BPIFB4: variants seen among roughly 807,000 people sequenced by gnomAD.
BPIFB4 encodes the protein BPI fold-containing family B member 4.
In BPIFB4, 62 loss-of-function variants were observed where a neutral mutation model predicts 69.2. The ratio of observed to expected loss-of-function variants is 0.90; its 90% CI spans 0.73 to 1.11. The LOEUF (loss-of-function observed/expected upper bound fraction) is 1.11. BPIFB4 is among the 50% of genes least tolerant of loss of function. The pLI is 0.00. For missense variants in BPIFB4, 789 were observed against 792.0 expected, an observed-to-expected ratio of 1.00 and a Z score of 0.04; for synonymous variants, 330 against 332.7, an observed-to-expected ratio of 0.99 and a Z score of 0.09.
rs967574709 is a variant in BPIFB4 at position 33,110,752 on chromosome 20, T to A, written c.1822-662T>A. 2.9e-5 allele frequency among the ~76,000 whole-genome samples: 3 copies of A among 102,492 alleles called. No individual in the cohort carries two copies. In the African/African-American group the frequency reaches 3.6e-4, roughly 12 times the overall value. 67.2% of individuals were successfully genotyped at this position (102,492 alleles called of 152,430 possible). A position where few individuals can be genotyped will look rare whatever the true frequency, so the allele number is the denominator to read the frequency against. On this transcript the variant is annotated intron_variant, in intron 17 of 17. Transcript: ENST00000375483. ...ATTTCTGTCGATAGAGACTCACGAA[T>A]TTTTTTTTTTTTTTGGTCTATGGGT...
chr20:33,102,075 G>A (rs1981923137), intron 14 of BPIFB4, among the ~76,000 whole-genome samples: 1 of 152,206 alleles, frequency 6.6e-6, no homozygotes, highest in Non-Finnish European at 1.5e-5. Flanking sequence ...CCTGCAGCCT[G>A]GATAAGGAGT....
At chr20:33,086,267 C>T in intron 7 of BPIFB4, 103 bp downstream of exon 7, 1 of 1,425,796 alleles carries the variant, frequency 7.0e-7, no homozygotes. Flanking sequence ...CTGGGGTGGG[C>T]AGGACGATGA....
chr20:33,088,856 T>C (rs1314409006), intron 7 of BPIFB4, 110 bp from the exon 8 acceptor site: 3 of 1,560,140 alleles, frequency 1.9e-6, no homozygotes, highest in Non-Finnish European at 2.6e-6. Flanking sequence ...TTTCCAGCAC[T>C]CAGAGGTTCT....
intron 13 of BPIFB4, among the ~76,000 whole-genome samples, chr20:33,098,357 G>C (rs1364861356): frequency 6.6e-6 from 1 of 152,182 alleles, no homozygotes; most frequent in Non-Finnish European, 1.5e-5. Flanking sequence ...AAACGAGACA[G>C]ATGGTGCCTG....
chr20:33,107,983 G>A (rs1982119478), intron 17 of BPIFB4, among the ~76,000 whole-genome samples, 163 bp downstream of exon 17: 2 of 152,212 alleles, frequency 1.3e-5, no homozygotes, highest in Admixed American at 1.3e-4. Flanking sequence ...GGAACAAGGA[G>A]CAGAGCTGTT....
In BPIFB4 at chr20:33,081,605, A is replaced by G; in HGVS notation, c.79A>G (p.Arg27Gly). 1 of 1,551,716 alleles carries G rather than the reference A, an allele frequency of 6.4e-7. No homozygotes were observed. The highest frequency in any genetic ancestry group is 8.7e-7 in the Non-Finnish European group (1 of 1,146,996). Residue 27 changes from arginine to glycine, a missense_variant, in exon 3 of 18, where the codon AGG becomes GGG. Physicochemically the swap from Arg to Gly is moderately radical, Grantham distance 125. Around this residue, in one of 3 missense-constraint regions of BPIFB4, gnomAD observed 611 missense variants for 575.4 expected, o/e 1.06. Transcript: ENST00000375483. Reference protein sequence around the residue: ...GTSHETNTVLRVTKDVLSNAI... With the variant: ...GTSHETNTVLGVTKDVLSNAI... ...CAGCCACGAGACAAACACGGTCCTC[A>G]GGGTGACGAAAGATGTGTTGAGCAA... is the stretch of plus-strand genomic sequence containing the variant.
chr20:33,088,877 A>G lies in BPIFB4; in HGVS notation c.927-89A>G, dbSNP rs1228043395. On this transcript the variant is annotated intron_variant, in intron 7 of 17. Transcript: ENST00000375483. ...GCACTCAGAGGTTCTCACTGTTCAG[A>G]GCCTGGACTAGTGACCCACAGGGTG... is the stretch of plus-strand genomic sequence containing the variant. The G allele has an allele frequency of 2.5e-6, 4 of 1,597,076 alleles. No individual in the cohort carries two copies. The African/African-American group carries it at 5.4e-5, about 21-fold the overall frequency.
rs377753078 is a variant in BPIFB4, at chr20:33,107,830, G to T, written c.1821+10G>T. 6.2e-6 allele frequency: 10 copies of T among 1,612,036 alleles called. No individual in the cohort carries two copies. The African/African-American group carries it at 9.3e-5, about 15-fold the overall frequency. On this transcript the variant is annotated intron_variant, in intron 17 of 17. Transcript: ENST00000375483. The stretch of plus-strand genomic sequence containing the variant: ...CATTGACGTGTTGGAGGTAAGAGGA[G>T]ATCGAGCTCCATTCTGCTTTTCCTC...
intron 13 of BPIFB4, 113 bp downstream of exon 13, chr20:33,097,900 T>G (rs1981801403): frequency 8.4e-7 from 1 of 1,192,304 alleles, no homozygotes; most frequent in Admixed American, 2.7e-5. Context: ...ATCATGACTA[T>G]GGGCCCAACT....
chr20:33,107,585 G>C (rs1167764610), intron 16 of BPIFB4, among the ~76,000 whole-genome samples, 159 bp from the exon 17 acceptor site: 1 of 152,164 alleles, frequency 6.6e-6, no homozygotes, highest in African/African-American at 2.4e-5. Context: ...GCAATGAGCC[G>C]AGATTGTGCC....
Position 33,084,994 on chromosome 20 carries a change from G to A in BPIFB4, c.780G>A (p.Lys260=), listed in dbSNP as rs571658932. The change falls in exon 6 of 18, where the codon AAG becomes AAA. Residue 260 remains lysine, a splice_region_variant and synonymous_variant. Transcript: ENST00000375483. ...SLYTRVAING[K]SLIGFLDIAV... is the part of the protein sequence containing the mutation. ...ACACCCGTGTGGCCATCAACGGGAA[G>A]AGGTGCGTGCCCTTGGCCCTGGAGG... The A allele has an allele frequency of 1.9e-6, 3 of 1,611,502 alleles. No homozygotes were observed. Among genetic ancestry groups the A allele is most frequent in the Non-Finnish European group, 2.5e-6 (3 of 1,179,828 alleles).
chr20:33,095,835 G>A (rs2146410554), intron 12 of BPIFB4, among the ~76,000 whole-genome samples: 2 of 152,208 alleles, frequency 1.3e-5, no homozygotes, highest in East Asian at 1.9e-4. Flanking sequence ...TTAAAAAAAA[G>A]CAAGTGTGCT....
At chr20:33,097,567 T>C (rs1474441945) in intron 12 of BPIFB4, 50 bp from the exon 13 acceptor site, 11 of 1,565,140 alleles carry the variant, frequency 7.0e-6, no homozygotes, top group Non-Finnish European at 9.6e-6. Context: ...ACCCCCTGGG[T>C]ACCTCCTATG....
At chr20:33,103,116 G>A in intron 15 of BPIFB4, 102 bp downstream of exon 15, 1 of 1,349,398 alleles carries the variant, frequency 7.4e-7, no homozygotes, top group Non-Finnish European at 1.1e-6. Context: ...GGCATGGGGA[G>A]TTTGTGAATT....
At chr20:33,096,112 C>A (rs1981746119) in intron 12 of BPIFB4, among the ~76,000 whole-genome samples, 1 of 152,158 alleles carries the variant, frequency 6.6e-6, no homozygotes, top group Admixed American at 6.5e-5. Flanking sequence ...CTATTGCCCT[C>A]ATGTGGCTGC....
At position 33,083,364 on chromosome 20, in the gene BPIFB4, G is replaced by A. The variant is rs747023496; in HGVS notation, c.170-3G>A. 18 of 1,611,394 alleles carry A rather than the reference G, an allele frequency of 1.1e-5. No individual in the cohort carries two copies. Among genetic ancestry groups the A allele is most frequent in the Middle Eastern group, 1.6e-4 (1 of 6,078 alleles). On this transcript the variant is annotated splice_region_variant and splice_polypyrimidine_tract_variant and intron_variant, in intron 4 of 17. Transcript: ENST00000375483. ...GACTACAGACGCATTGAATTCCCCC[G>A]AGGTGTTGGTGATATTCCCTACAAT...
In BPIFB4 at chr20:33,100,498, G is replaced by A; in HGVS notation, c.1637+5G>A. 2 of 1,606,814 alleles carry A rather than the reference G, an allele frequency of 1.2e-6. No individual in the cohort carries two copies. Among genetic ancestry groups the A allele is most frequent in the South Asian group, 2.2e-5 (2 of 90,878 alleles). ...GATTGATGCCAAGCTGGAGAAGTAA[G>A]GGGCTATGCTGCCTTGGGGTCCTGA... On this transcript the variant is annotated splice_donor_5th_base_variant and intron_variant, in intron 14 of 17. Transcript: ENST00000375483.
chr20:33,087,026 C>T (rs41418846), intron 7 of BPIFB4, among the ~76,000 whole-genome samples: 5,013 of 152,268 alleles, frequency 0.033, 141 homozygotes, highest in African/African-American at 0.079. Flanking sequence ...GAACCCCAAA[C>T]TTTCTGATTC....
At chr20:33,084,062 A>G (rs1981343619) in intron 5 of BPIFB4, among the ~76,000 whole-genome samples, 188 bp downstream of exon 5, 1 of 152,102 alleles carries the variant, frequency 6.6e-6, no homozygotes, top group Non-Finnish European at 1.5e-5. Flanking sequence ...AAACAGTCCT[A>G]AGTTTGAGAC....
Sources: gnomAD v4.1 joint callset for allele counts (sites outside exome capture counted in the v4.1 genomes callset) on GRCh38, gnomAD v4.1.1 for gene constraint, gnomAD v4.1.1 regional missense constraint, MANE v1.5 for transcripts, NCBI Gene and HGNC (gene_info 2026-07-23, HGNC 2026-07-21) for gene names.